Variants in TOX2 observed in about 807,000 individuals in gnomAD.
The protein encoded by TOX2 is TOX high mobility group box family member 2, also known as granulosa cell HMG box 1.
TOX2 carries 15 observed loss-of-function variants against 47.4 expected under a neutral mutation model. That is an observed-to-expected ratio of 0.32 (90% CI 0.21 to 0.49). The LOEUF is 0.49. TOX2 is among the 20% of genes least tolerant of loss of function. TOX2 has a pLI of 0.99. For missense variants in TOX2, 622 were observed against 673.1 expected, an observed-to-expected ratio of 0.92 and a Z score of 0.84; for synonymous variants, 290 against 296.6, an observed-to-expected ratio of 0.98 and a Z score of 0.23.
At position 43,915,804 on chromosome 20, in the gene TOX2, C is replaced by T. The variant is rs2069049131; in HGVS notation, c.99+814C>T. Among the ~76,000 whole-genome samples the T allele has an allele frequency of 6.6e-6, 1 of 152,264 alleles. No homozygotes were observed. The highest frequency in any genetic ancestry group is 2.1e-4 in the South Asian group (1 of 4,834). Reference sequence around the variant, plus strand: ...CCGGGAGCGGTGAGCCGGCGTCCCTCCAGGCTGGGGCTGTAGTGCCGGACA... The same window carrying T: ...CCGGGAGCGGTGAGCCGGCGTCCCTTCAGGCTGGGGCTGTAGTGCCGGACA... On this transcript the variant is annotated intron_variant, in intron 1 of 8. Coordinates refer to ENST00000341197, the MANE Select transcript of TOX2 (RefSeq NM_001098797.2). The surrounding 1 kb of genome is among the most constrained non-coding windows in gnomAD (Gnocchi z 7.1).
chr20:43,944,252 A>G (rs80046260), intron 1 of TOX2, among the ~76,000 whole-genome samples: 20,161 of 152,232 alleles, frequency 0.13, 1,598 homozygotes, highest in East Asian at 0.27. Context: ...CTGACCATCA[A>G]GAAGCTCAGA....
At chr20:44,028,074 T>C (rs956893805) in intron 3 of TOX2, among the ~76,000 whole-genome samples, 1 of 152,138 alleles carries the variant, frequency 6.6e-6, no homozygotes, top group Non-Finnish European at 1.5e-5. Flanking sequence ...ATGTACACAC[T>C]CAGCCGAAGG....
At chr20:43,982,833 A>C (rs2070191842) in intron 2 of TOX2, among the ~76,000 whole-genome samples, 1 of 143,182 alleles carries the variant, frequency 7.0e-6, no homozygotes, top group African/African-American at 2.6e-5. Flanking sequence ...GGCAGTGGAG[A>C]GGGAGAAGGA....
At chr20:43,992,253 G>A (rs1042437280) in intron 2 of TOX2, among the ~76,000 whole-genome samples, 1 of 152,112 alleles carries the variant, frequency 6.6e-6, no homozygotes, top group Non-Finnish European at 1.5e-5. Context: ...TTATCTGATC[G>A]ACGGCTGGGA....
intron 1 of TOX2, among the ~76,000 whole-genome samples, chr20:43,963,615 A>T (rs2069800049): frequency 6.6e-6 from 1 of 152,176 alleles, no homozygotes; most frequent in East Asian, 1.9e-4. Context: ...TGTGATGGGG[A>T]GGATTTATCA....
chr20:43,932,439 C>T (rs1404504906), intron 1 of TOX2, among the ~76,000 whole-genome samples: 1 of 152,230 alleles, frequency 6.6e-6, no homozygotes. Context: ...TAAATGCCTT[C>T]GGTAATATCT....
intron 3 of TOX2, among the ~76,000 whole-genome samples, chr20:44,022,667 G>A (rs1458123949): frequency 1.3e-5 from 2 of 152,290 alleles, no homozygotes; most frequent in Admixed American, 6.5e-5. Flanking sequence ...CCTGCCCTGT[G>A]GCATGTTCCA....
Position 43,970,875 on chromosome 20 carries a change from C to G in TOX2, c.100-2492C>G, listed in dbSNP as rs555882577. ...ATAAGAGCAACAGCCAGAGGAGATG[C>G]GAGCATGGCAGGCCTCCTGGAGGAG... On this transcript the variant is annotated intron_variant, in intron 1 of 8. Transcript: ENST00000341197. Among the ~76,000 whole-genome samples, 105 of 152,320 alleles carry G rather than the reference C, an allele frequency of 6.9e-4. 2 individuals are homozygous for G. The South Asian group carries it at 0.021, about 30-fold the overall frequency.
At chr20:43,955,170 A>G in intron 1 of TOX2, 1 of 885,984 alleles carries the variant, frequency 1.1e-6, no homozygotes, top group Non-Finnish European at 1.4e-6. Flanking sequence ...GCTCCACTGA[A>G]GCTATGGCAT....
chr20:44,041,715 G>A (rs2071334308), intron 3 of TOX2, among the ~76,000 whole-genome samples: 1 of 152,192 alleles, frequency 6.6e-6, no homozygotes, highest in South Asian at 2.1e-4. Context: ...CTTCTCCACA[G>A]AGACTTGACA....
intron 1 of TOX2, among the ~76,000 whole-genome samples, chr20:43,941,615 G>A (rs1364934751): frequency 1.3e-5 from 2 of 152,310 alleles, no homozygotes; most frequent in Admixed American, 6.5e-5. Flanking sequence ...TTACAGGCGC[G>A]AGCCACTGTA....
chr20:44,043,486 G>A lies in TOX2; in HGVS notation c.412-7820G>A, dbSNP rs184135687. Among the ~76,000 whole-genome samples the A allele has an allele frequency of 1.0e-3, 155 of 152,148 alleles. 1 individual carries two copies. Among genetic ancestry groups the A allele is most frequent in the Non-Finnish European group, 9.0e-4 (61 of 68,006 alleles). On this transcript the variant is annotated intron_variant, in intron 3 of 8. Transcript: ENST00000341197. The stretch of plus-strand genomic sequence containing the variant: ...GACAGTGATGTTTTATATTTTAAAC[G>A]TGTTCATAAAGGCATTATACTGTAT...
At chr20:43,917,811 G>A (rs1219928005) in intron 1 of TOX2, among the ~76,000 whole-genome samples, 1 of 152,162 alleles carries the variant, frequency 6.6e-6, no homozygotes, top group African/African-American at 2.4e-5. Context: ...ATATTAGCAT[G>A]CATTAGAAAA....
At chr20:43,986,662 A>C (rs973787900) in intron 2 of TOX2, among the ~76,000 whole-genome samples, 6 of 152,216 alleles carry the variant, frequency 3.9e-5, no homozygotes, top group Non-Finnish European at 8.8e-5. Context: ...TGGAGGAACC[A>C]GTACCCTCAC....
At chr20:43,970,380 T>C (rs2069943728) in intron 1 of TOX2, among the ~76,000 whole-genome samples, 1 of 152,262 alleles carries the variant, frequency 6.6e-6, no homozygotes, top group South Asian at 2.1e-4. Flanking sequence ...GATTGTCTAC[T>C]GTGCTTATCG....
At chr20:43,997,694 A>G (rs1328613345) in intron 2 of TOX2, among the ~76,000 whole-genome samples, 2 of 152,138 alleles carry the variant, frequency 1.3e-5, no homozygotes, top group African/African-American at 4.8e-5. Context: ...TATTTCTACC[A>G]TCTTGAGTTG....
chr20:43,975,825 A>C (rs1043098225), intron 2 of TOX2, among the ~76,000 whole-genome samples: 2 of 152,124 alleles, frequency 1.3e-5, no homozygotes, highest in East Asian at 3.9e-4. Context: ...TCTCTGGTCC[A>C]ATGCTGTGTA....
At chr20:44,025,437 C>G (rs1370441905) in intron 3 of TOX2, among the ~76,000 whole-genome samples, 2 of 19,660 alleles carry the variant, frequency 1.0e-4, no homozygotes, top group Non-Finnish European at 2.1e-4. Context: ...AAGGGGGCAG[C>G]TGAGAGCCTT....
At chr20:43,930,224 G>A (rs1401056592) in intron 1 of TOX2, among the ~76,000 whole-genome samples, 3 of 152,140 alleles carry the variant, frequency 2.0e-5, no homozygotes, top group African/African-American at 2.4e-5. Flanking sequence ...GATGACCACC[G>A]TAACATAGCC....
Sources: allele counts gnomAD v4.1 joint callset (sites outside exome capture counted in the v4.1 genomes callset), GRCh38; gene constraint gnomAD v4.1.1; non-coding constraint Gnocchi (gnomAD v3.1); transcripts MANE v1.5; gene names NCBI Gene and HGNC (gene_info 2026-07-23, HGNC 2026-07-21).